Variants in ABHD2 observed in about 807,000 individuals in gnomAD.
ABHD2 encodes monoacylglycerol lipase ABHD2.
In ABHD2, 20 loss-of-function variants were observed where a neutral mutation model predicts 48.1. The observed-to-expected ratio is 0.42, with a 90% CI of 0.29 to 0.60. The LOEUF (loss-of-function observed/expected upper bound fraction) is 0.60, where lower values mean the gene tolerates loss of function less well. Ranked by LOEUF, ABHD2 falls within the 20% of genes least tolerant of loss-of-function variation. The pLI, the probability that ABHD2 is intolerant of heterozygous loss-of-function variation, is 0.24. For missense variants in ABHD2, 405 were observed against 550.9 expected (o/e 0.74, Z 2.65); for synonymous variants, 209 against 214.2 (o/e 0.98, Z 0.21).
At position 89,120,402 on chromosome 15, in the gene ABHD2, A is replaced by G. The variant is rs1204006761; in HGVS notation, c.194+3881A>G. Among the ~76,000 whole-genome samples, 3 of 152,168 alleles carry G rather than the reference A, an allele frequency of 2.0e-5. No individual in the cohort carries two copies. Among genetic ancestry groups the G allele is most frequent in the Non-Finnish European group, 4.4e-5 (3 of 68,030 alleles). On this transcript the variant is annotated intron_variant, in intron 3 of 10. Coordinates refer to ENST00000352732, the MANE Select transcript of ABHD2 (RefSeq NM_152924.5). The surrounding 1 kb of genome is among the most constrained non-coding windows in gnomAD (Gnocchi z 4.2). ...TAGTCATACAAATCTTTTTTTTTCA[A>G]TAAAAACTTTGATGCATATTCATTT...
At chr15:89,132,231 A>C (rs2050231508) in intron 3 of ABHD2, among the ~76,000 whole-genome samples, 1 of 152,230 alleles carries the variant, frequency 6.6e-6, no homozygotes, top group Non-Finnish European at 1.5e-5. Flanking sequence ...TCCGCTGTGC[A>C]GTAGGCTGTT....
the ABHD2 span, among the ~76,000 whole-genome samples, chr15:89,058,953 C>T: frequency 6.6e-6 from 1 of 152,224 alleles, no homozygotes; most frequent in African/African-American, 2.4e-5. Context: ...CAACCTTCAT[C>T]TGCCTAGTCA....
intron 5 of ABHD2, among the ~76,000 whole-genome samples, chr15:89,159,058 A>G (rs114505190): frequency 0.06 from 9,184 of 151,948 alleles, 978 homozygotes; most frequent in African/African-American, 0.21. Context: ...GTGTTCTGCC[A>G]GGGAGATGTG....
In ABHD2 at chr15:89,167,419, C is replaced by T. The variant is rs528832247; in HGVS notation, c.539-8393C>T. ...TAGTGAGTTTGCAGAACTCAGACAT[C>T]GTAGTAAAACACCTGGCAAGATCGT... On this transcript the variant is annotated intron_variant, in intron 5 of 10. Transcript: ENST00000352732. The surrounding 1 kb of genome is among the most constrained non-coding windows in gnomAD (Gnocchi z 5.5). Among the ~76,000 whole-genome samples the T allele has an allele frequency of 1.1e-3, 162 of 152,202 alleles. No homozygotes were observed. The highest frequency in any genetic ancestry group is 2.3e-3 in the African/African-American group (96 of 41,520).
intron 5 of ABHD2, among the ~76,000 whole-genome samples, chr15:89,162,979 A>T (rs575659889): frequency 1.1e-4 from 17 of 152,296 alleles, no homozygotes; most frequent in African/African-American, 3.8e-4. Context: ...CTGTAAAATG[A>T]TACTTTACAA....
intron 3 of ABHD2, chr15:89,135,850 G>C: frequency 1.4e-6 from 1 of 726,538 alleles, no homozygotes; most frequent in Non-Finnish European, 2.5e-6. Flanking sequence ...GCGATACTCA[G>C]AACAGAACAG....
Position 89,147,350 on chromosome 15 carries a change from C to CTTTTTTT in ABHD2, c.195-4312_195-4306dup, listed in dbSNP as rs35188439. On this transcript the variant is annotated intron_variant, in intron 3 of 10. Coordinates refer to ENST00000352732, the MANE Select transcript of ABHD2 (RefSeq NM_152924.5). ...GTTTATAATTGGGTATTGCATAGCT[C>CTTTTTTT]TTTTTTTTTTTTTTTTTTTTTGAGA... Among the ~76,000 whole-genome samples, 236 of 100,312 alleles carry CTTTTTTT rather than the reference C, an allele frequency of 2.4e-3. 2 individuals carry two copies. The highest frequency in any genetic ancestry group is 9.6e-3 in the African/African-American group (228 of 23,634). 65.8% of individuals were successfully genotyped at this position (100,312 alleles called of 152,430 possible).
At chr15:89,073,519 A>T in the ABHD2 span, among the ~76,000 whole-genome samples, 2 of 148,202 alleles carry the variant, frequency 1.3e-5, no homozygotes, top group African/African-American at 5.1e-5. Flanking sequence ...CTGGTCTCGA[A>T]CTCCTGACCT....
intron 9 of ABHD2, 85 bp downstream of exon 9, chr15:89,191,234 TG>T: frequency 7.1e-7 from 1 of 1,402,158 alleles, no homozygotes; most frequent in Non-Finnish European, 9.9e-7. Flanking sequence ...TGAATTTTCC[TG>T]GTGGAAGCTC....
intron 3 of ABHD2, among the ~76,000 whole-genome samples, chr15:89,119,967 G>A (rs559458233): frequency 6.6e-5 from 10 of 152,270 alleles, no homozygotes; most frequent in Non-Finnish European, 1.2e-4. Context: ...GGAAAGTTCT[G>A]TTAACTGATT....
chr15:89,049,473 C>T, the ABHD2 span, among the ~76,000 whole-genome samples: 146,087 of 152,182 alleles, frequency 0.96, 70,259 homozygotes, highest in Non-Finnish European at 0.99. Flanking sequence ...CAATGGCGGG[C>T]GCCCCTCCCC....
At chr15:89,170,893 G>A (rs2050915741) in intron 5 of ABHD2, among the ~76,000 whole-genome samples, 2 of 152,072 alleles carry the variant, frequency 1.3e-5, no homozygotes, top group East Asian at 1.9e-4. Flanking sequence ...CGAGGGGGGC[G>A]GATCACAAGG....
chr15:89,156,115 C>CTTTTTTTT (rs1185978751), intron 5 of ABHD2, among the ~76,000 whole-genome samples: 7 of 85,660 alleles, frequency 8.2e-5, no homozygotes, highest in Non-Finnish European at 1.1e-4. Flanking sequence ...TTTTTATTGT[C>CTTTTTTTT]TTTTTTTTTT....
At chr15:89,118,191 C>CA (rs901878083) in intron 3 of ABHD2, among the ~76,000 whole-genome samples, 2 of 148,938 alleles carry the variant, frequency 1.3e-5, no homozygotes, top group Admixed American at 1.3e-4. Context: ...TTTTTTCTTT[C>CA]TTTTTTTTTT....
rs375506150 is a variant in ABHD2, at chr15:89,195,227, A to G, written c.1082A>G (p.Glu361Gly). The G allele has an allele frequency of 6.2e-7, 1 of 1,612,874 alleles. No homozygotes were observed. The highest frequency in any genetic ancestry group is 8.5e-7 in the Non-Finnish European group (1 of 1,179,184). Residue 361 changes from glutamate to glycine, a missense_variant and splice_region_variant, in exon 11 of 11, where the codon GAG (glutamate) becomes GGG (glycine). Coordinates refer to ENST00000352732, the MANE Select transcript of ABHD2 (RefSeq NM_152924.5). The surrounding 1 kb of genome is among the most constrained non-coding windows in gnomAD (Gnocchi z 5.1). ...TCACTCAGCTGCGTTTCCCCTGCAG[A>G]GAAACGAGAGAACGTCATGTTTGTG... ...SLLTIPKSLS[E>G]KRENVMFVLP...
At chr15:89,134,616 T>C (rs969846680) in intron 3 of ABHD2, among the ~76,000 whole-genome samples, 1 of 152,178 alleles carries the variant, frequency 6.6e-6, no homozygotes, top group African/African-American at 2.4e-5. Context: ...GCTGGTTCAT[T>C]TTTCCAAATG....
chr15:89,055,323 C>CTTTT, the ABHD2 span, among the ~76,000 whole-genome samples: 16 of 124,772 alleles, frequency 1.3e-4, no homozygotes, highest in African/African-American at 2.4e-4. Flanking sequence ...ACACTAGTTT[C>CTTTT]TTTTTTTTTT....
At chr15:89,086,696 C>T (rs939785698), upstream of ABHD2, among the ~76,000 whole-genome samples, 3 of 152,248 alleles carry the variant, frequency 2.0e-5, no homozygotes, top group South Asian at 2.1e-4. Flanking sequence ...GCCACTGTAC[C>T]GGTCCATGTT....
intron 1 of ABHD2, among the ~76,000 whole-genome samples, chr15:89,109,240 G>C (rs2049835807): frequency 6.6e-6 from 1 of 152,210 alleles, no homozygotes; most frequent in African/African-American, 2.4e-5. Flanking sequence ...GCTTGTCTTA[G>C]AGACCAGGGG....
Sources: allele counts gnomAD v4.1 joint callset (sites outside exome capture counted in the v4.1 genomes callset), GRCh38; gene constraint gnomAD v4.1.1; non-coding constraint Gnocchi (gnomAD v3.1); transcripts MANE v1.5; gene names NCBI Gene and HGNC (gene_info 2026-07-23, HGNC 2026-07-21).